The following MYH1 variants were observed in gnomAD, a reference collection of about 807,000 sequenced individuals.
The protein encoded by MYH1 is myosin heavy chain 1, also known as myosin-1.
In MYH1, 214 loss-of-function variants were observed where a neutral mutation model predicts 225.6. The observed-to-expected ratio is 0.95, with a 90% CI of 0.85 to 1.06. The LOEUF (loss-of-function observed/expected upper bound fraction) is 1.06, where lower values mean the gene tolerates loss of function less well. MYH1 is among the 50% of genes least tolerant of loss of function. MYH1 has a pLI of 0.00. For synonymous variants in MYH1, 774 were observed against 842.3 expected (o/e 0.92, Z 1.40); for missense variants, 2,098 against 2,344.2 (o/e 0.89, Z 2.17).
rs199550815 is a variant in MYH1, at chr17:10,516,111, A to C, written c.349-29T>G. On this transcript the variant is annotated intron_variant, in intron 4 of 39. Transcript: ENST00000226207. ...CACCCAAAACAAAAGGGAGGAACAG[A>C]ATTATTTGATGGGGACCTTAATCAT... The C allele has an allele frequency of 2.6e-4, 421 of 1,613,606 alleles. 3 individuals are homozygous for C. The South Asian group carries it at 4.3e-3, about 17-fold the overall frequency.
At chr17:10,497,601 T>C in intron 31 of MYH1, 133 bp downstream of exon 31, 2 of 1,493,136 alleles carry the variant, frequency 1.3e-6, no homozygotes, top group Non-Finnish European at 1.8e-6. Flanking sequence ...GCACTTCCCC[T>C]CTCCACAGAC....
intron 14 of MYH1, 51 bp downstream of exon 14, chr17:10,511,788 A>G (rs763757910): frequency 6.2e-7 from 1 of 1,613,414 alleles, no homozygotes; most frequent in South Asian, 1.1e-5. Flanking sequence ...GACTGCAGCA[A>G]CAAGCTTGCT....
chr17:10,503,373 C>T, intron 22 of MYH1, 125 bp from the exon 23 acceptor site: 1 of 1,348,982 alleles, frequency 7.4e-7, no homozygotes, highest in Non-Finnish European at 1.0e-6. Flanking sequence ...TATTAGCTTT[C>T]TACCATTCAG....
At chr17:10,516,811 G>C in intron 2 of MYH1, 129 bp from the exon 3 acceptor site, 1 of 752,584 alleles carries the variant, frequency 1.3e-6, no homozygotes, top group Non-Finnish European at 2.1e-6. Flanking sequence ...CCACCTCCCT[G>C]GCTTGGTTGA....
At position 10,494,597 on chromosome 17, in the gene MYH1, T is replaced by C; in HGVS notation, c.5543A>G (p.Glu1848Gly). The change falls in exon 38 of 40, where the codon GAG (glutamate) becomes GGG (glycine). Residue 1848 changes from glutamate (E) to glycine (G), a missense_variant. Glu to Gly is a moderately conservative substitution (Grantham distance 98, BLOSUM62 -2). Coordinates refer to ENST00000226207, the MANE Select transcript of MYH1 (RefSeq NM_005963.4). The part of the protein sequence containing the change: ...VEAVKGLRKH[E>G]RKVKELTYQT... ...GTAAGTGAGTTCCTTCACTTTTCTC[T>C]CATGTTTGCGTAGACCCTTGACAGC... is the stretch of plus-strand genomic sequence containing the variant. 3 of 1,614,030 alleles carry C rather than the reference T, an allele frequency of 1.9e-6. No individual in the cohort carries two copies. The highest frequency in any genetic ancestry group is 2.5e-6 in the Non-Finnish European group (3 of 1,180,006).
chr17:10,512,801 A>G lies in MYH1; in HGVS notation c.905-17T>C, dbSNP rs936602764. 2 of 1,611,900 alleles carry G rather than the reference A, an allele frequency of 1.2e-6. No homozygotes were observed. Among genetic ancestry groups the G allele is most frequent in the Non-Finnish European group, 1.7e-6 (2 of 1,177,988 alleles). ...GGAGCATTTCTGGGTCACAGAATTC[A>G]GGGCATATGTTTTACATTAGAAGAT... On this transcript the variant is annotated splice_polypyrimidine_tract_variant and intron_variant, in intron 10 of 39. Transcript: ENST00000226207.
In MYH1 at chr17:10,497,882, T is replaced by C; in HGVS notation, c.4217A>G (p.Glu1406Gly). 6.2e-7 allele frequency: 1 copy of C among 1,609,130 alleles called. No homozygotes were observed. The change falls in exon 31 of 40, where the codon GAA (glutamate) becomes GGA (glycine). Residue 1406 changes from glutamate (E) to glycine (G), a missense_variant. Transcript: ENST00000226207. Reference protein sequence around the residue: ...KLAQRLQDAEEHVEAVNAKCA... With the variant: ...KLAQRLQDAEGHVEAVNAKCA... ...TTTGGCATTCACAGCTTCTACATGT[T>C]CCTCAGCATCCTGCAGACGCTGAGC...
intron 6 of MYH1, 48 bp downstream of exon 6, chr17:10,514,800 CTTTTTTTGGTTTGTCATTTT>C: frequency 6.9e-7 from 1 of 1,440,696 alleles, no homozygotes; most frequent in Non-Finnish European, 9.7e-7. Flanking sequence ...TAACTAATTT[CTTTTTTTGGTTTGTCATTTT>C]TCCAGTAAGA....
rs867780296 is a variant in MYH1, at chr17:10,511,904, C to T, written c.1351G>A (p.Asp451Asn). 1.2e-6 allele frequency: 2 copies of T among 1,614,192 alleles called. No individual in the cohort carries two copies. The highest frequency in any genetic ancestry group is 2.2e-5 in the South Asian group (2 of 91,078). The change falls in exon 14 of 40, where the codon GAC (aspartate) becomes AAC (asparagine). Residue 451 changes from aspartate (D) to asparagine (N), a missense_variant. Asp to Asn is a conservative substitution (Grantham distance 23, BLOSUM62 1). Coordinates refer to ENST00000226207, the MANE Select transcript of MYH1 (RefSeq NM_005963.4). ...AAGTACTGCCTGGGCTGCTTGGTGT[C>T]CAGCTGCTGGTTGATGCGGGTGACC... ...WMVTRINQQL[D>N]TKQPRQYFIG...
intron 1 of MYH1, 100 bp from the exon 2 acceptor site, chr17:10,518,370 A>G (rs2073250310): frequency 1.3e-5 from 2 of 152,222 alleles, no homozygotes; most frequent in Non-Finnish European, 2.9e-5. Flanking sequence ...GGAAGACTAC[A>G]ACATCTAATT....
rs1725125009 is a variant in MYH1, at chr17:10,505,309, G to GC, written c.2299-11_2299-10insG. Reference sequence around the variant, plus strand: ...CAGCTTTGAAAAAGACCTATGTGTGGGAAGAATTTCAGATCAGAAAATTTA... The same window carrying GC: ...CAGCTTTGAAAAAGACCTATGTGTGGCGAAGAATTTCAGATCAGAAAATTTA... On this transcript the variant is annotated splice_polypyrimidine_tract_variant and intron_variant, in intron 20 of 39. Transcript: ENST00000226207. 3.1e-6 allele frequency: 5 copies of GC among 1,613,984 alleles called. No homozygotes were observed. The highest frequency in any genetic ancestry group is 4.2e-6 in the Non-Finnish European group (5 of 1,180,032).
Position 10,497,762 on chromosome 17 carries a change from A to G in MYH1, c.4337T>C (p.Leu1446Pro). ...VERTNAACAA[L>P]DKKQRNFDKI... is the part of the protein sequence containing the mutation. Reference sequence around the variant, plus strand: ...ATCAAAGTTCCTTTGCTTTTTGTCCAGGGCGGCACAGGCAGCATTTGTCCT... The same window carrying G: ...ATCAAAGTTCCTTTGCTTTTTGTCCGGGGCGGCACAGGCAGCATTTGTCCT... Residue 1446 changes from leucine to proline, a missense_variant, in exon 31 of 40, where the codon CTG becomes CCG. Leu to Pro is a moderately conservative substitution (Grantham distance 98). Coordinates refer to ENST00000226207, the MANE Select transcript of MYH1 (RefSeq NM_005963.4). The G allele has an allele frequency of 6.2e-7, 1 of 1,613,706 alleles. No homozygotes were observed. The highest frequency in any genetic ancestry group is 8.5e-7 in the Non-Finnish European group (1 of 1,179,934).
chr17:10,499,179 G>A (rs150892304), intron 28 of MYH1, 87 bp from the exon 29 acceptor site: 2 of 1,158,528 alleles, frequency 1.7e-6, no homozygotes, highest in African/African-American at 1.5e-5. Context: ...AGGGAGCCAA[G>A]TTTGAAACTT....
chr17:10,514,774 C>T (rs933636840), intron 6 of MYH1, 94 bp downstream of exon 6: 5 of 1,122,398 alleles, frequency 4.5e-6, no homozygotes, highest in Non-Finnish European at 6.8e-6. Context: ...TCATTCAGTG[C>T]TTTAGTAGAG....
In MYH1 at chr17:10,516,085, G is replaced by A. The variant is rs2073224371; in HGVS notation, c.349-3C>T. ...ACACAGAACAAGCCTGAGTAGGTCT[G>A]CACCCAAAACAAAAGGGAGGAACAG... On this transcript the variant is annotated splice_region_variant and splice_polypyrimidine_tract_variant and intron_variant, in intron 4 of 39. Transcript: ENST00000226207. The A allele has an allele frequency of 1.2e-6, 2 of 1,613,800 alleles. No individual in the cohort carries two copies. Among genetic ancestry groups the A allele is most frequent in the African/African-American group, 1.3e-5 (1 of 74,886 alleles).
chr17:10,494,897 T>A lies in MYH1; in HGVS notation c.5466+34A>T, dbSNP rs756622080. ...TTCAGAATCGTGTGTTGGATTGGAA[T>A]GAGATAGAAATACATGCTGATTAGG... On this transcript the variant is annotated intron_variant, in intron 37 of 39. Transcript: ENST00000226207. 1.3e-5 allele frequency: 20 copies of A among 1,593,636 alleles called. No homozygotes were observed. In the South Asian group the frequency reaches 2.1e-4, roughly 17 times the overall value.
At chr17:10,516,724 G>C in intron 2 of MYH1, 42 bp from the exon 3 acceptor site, 2 of 1,527,478 alleles carry the variant, frequency 1.3e-6, no homozygotes. Flanking sequence ...TAAGAAACTG[G>C]ACCATTAGAT....
At chr17:10,500,386 A>G (rs888253516) in intron 28 of MYH1, among the ~76,000 whole-genome samples, 1 of 150,396 alleles carries the variant, frequency 6.6e-6, no homozygotes, top group Non-Finnish European at 1.5e-5. Flanking sequence ...ATATGTATGT[A>G]TGGATATATA....
At chr17:10,507,698 T>A (rs1222047807) in intron 17 of MYH1, among the ~76,000 whole-genome samples, 188 bp downstream of exon 17, 1 of 152,158 alleles carries the variant, frequency 6.6e-6, no homozygotes, top group African/African-American at 2.4e-5. Flanking sequence ...GTGAGGTATC[T>A]CTTCCAAACT....
Sources: allele counts gnomAD v4.1 joint callset (sites outside exome capture counted in the v4.1 genomes callset), GRCh38; gene constraint gnomAD v4.1.1; transcripts MANE v1.5; gene names NCBI Gene and HGNC (gene_info 2026-07-23, HGNC 2026-07-21).